The following CNTNAP2 variants were observed in gnomAD, a reference collection of about 807,000 sequenced individuals.
The protein encoded by CNTNAP2 is contactin associated protein 2.
CNTNAP2 carries 98 observed loss-of-function variants against 155.2 expected under a neutral mutation model. The ratio of observed to expected loss-of-function variants is 0.63; its 90% confidence interval spans 0.54 to 0.75. The LOEUF (loss-of-function observed/expected upper bound fraction) is 0.75, where lower values mean the gene tolerates loss of function less well. Among genes scored for constraint, CNTNAP2 ranks in the 30% least tolerant of loss-of-function variants. CNTNAP2 has a pLI of 0.00. For missense variants in CNTNAP2, 1,727 were observed against 1,688.1 expected, an observed-to-expected ratio of 1.02 and a Z score of -0.40; for synonymous variants, 651 against 631.2, an observed-to-expected ratio of 1.03 and a Z score of -0.47.
chr7:146,848,969 C>T (rs551962424), intron 3 of CNTNAP2, among the ~76,000 whole-genome samples: 18 of 152,000 alleles, frequency 1.2e-4, no homozygotes, highest in South Asian at 4.1e-4. Flanking sequence ...GACGTAGAGA[C>T]GGGGTTTCGC....
intron 20 of CNTNAP2, among the ~76,000 whole-genome samples, chr7:148,245,984 A>G (rs187561330): frequency 2.6e-5 from 4 of 152,336 alleles, no homozygotes; most frequent in Admixed American, 6.5e-5. Flanking sequence ...AAAAAGCTTC[A>G]GTGTTTCCAG....
intron 1 of CNTNAP2, among the ~76,000 whole-genome samples, chr7:146,643,878 T>A (rs1585021642): frequency 6.6e-6 from 1 of 151,480 alleles, no homozygotes; most frequent in Non-Finnish European, 1.5e-5. Context: ...GTCCTTCACG[T>A]CTCTTGTAAG....
intron 10 of CNTNAP2, among the ~76,000 whole-genome samples, chr7:147,448,862 A>T (rs1458606394): frequency 6.6e-6 from 1 of 152,134 alleles, no homozygotes; most frequent in Non-Finnish European, 1.5e-5. Flanking sequence ...ATTTTATTGT[A>T]ATCTATTGTT....
chr7:147,203,379 C>T (rs1386319057), intron 8 of CNTNAP2, among the ~76,000 whole-genome samples: 1 of 152,048 alleles, frequency 6.6e-6, no homozygotes, highest in Admixed American at 6.6e-5. Flanking sequence ...TTACAGGTAC[C>T]CACCACCATG....
chr7:146,654,799 A>C (rs1028661017), intron 1 of CNTNAP2, among the ~76,000 whole-genome samples: 1 of 152,144 alleles, frequency 6.6e-6, no homozygotes, highest in African/African-American at 2.4e-5. Flanking sequence ...TTCAATTACA[A>C]GTCATTTTTC....
chr7:146,289,933 C>T (rs1166475228), intron 1 of CNTNAP2, among the ~76,000 whole-genome samples: 1 of 152,054 alleles, frequency 6.6e-6, no homozygotes, highest in Admixed American at 6.6e-5. Flanking sequence ...GACCACTTTT[C>T]TCTTATGCTT....
At chr7:146,509,476 C>T (rs188999949) in intron 1 of CNTNAP2, among the ~76,000 whole-genome samples, 2 of 152,288 alleles carry the variant, frequency 1.3e-5, no homozygotes, top group East Asian at 1.9e-4. Context: ...ATTCCCACAA[C>T]TCCGTTGGGG....
intron 9 of CNTNAP2, among the ~76,000 whole-genome samples, chr7:147,375,294 T>A (rs576901416): frequency 1.3e-5 from 2 of 152,020 alleles, no homozygotes. Flanking sequence ...ATTTAAGAGA[T>A]GATGACAAAC....
chr7:146,971,488 T>A (rs1168373033), intron 3 of CNTNAP2, among the ~76,000 whole-genome samples: 3 of 152,192 alleles, frequency 2.0e-5, no homozygotes, highest in African/African-American at 7.2e-5. Context: ...TTTGGGCTCG[T>A]ATAGCAAAAT....
rs563250112 is a variant in CNTNAP2 at position 148,286,445 on chromosome 7, G to A, written c.3475+19319G>A. On this transcript the variant is annotated intron_variant, in intron 21 of 23. Coordinates refer to ENST00000361727, the MANE Select transcript of CNTNAP2 (RefSeq NM_014141.6). ...TCTGGTTAATATGGGAAGTGCATTA[G>A]GAAGTAGAAAGGAAAGAAAAGTCAA... Among the ~76,000 whole-genome samples the A allele has an allele frequency of 4.2e-4, 64 of 152,222 alleles. 3 individuals carry two copies. In the South Asian group the frequency reaches 0.013, roughly 31 times the overall value.
chr7:146,902,703 GGT>G (rs1796027527), intron 3 of CNTNAP2, among the ~76,000 whole-genome samples: 1 of 152,178 alleles, frequency 6.6e-6, no homozygotes, highest in Admixed American at 6.5e-5. Context: ...AGTCTCTTCT[GGT>G]TAACTGGAGC....
At chr7:146,458,847 G>T (rs764912710) in intron 1 of CNTNAP2, among the ~76,000 whole-genome samples, 4 of 152,110 alleles carry the variant, frequency 2.6e-5, no homozygotes, top group African/African-American at 4.8e-5. Flanking sequence ...CCTTCACAAT[G>T]CTCACTGCAG....
rs550648355 is a variant in CNTNAP2 at position 147,014,162 on chromosome 7, C to T, written c.403-29745C>T. Reference sequence around the variant, plus strand: ...TAAAGCAATCTGTATGCTGTCTATGCTCATTTTAATGTTAATTATTCTGTG... The same window carrying T: ...TAAAGCAATCTGTATGCTGTCTATGTTCATTTTAATGTTAATTATTCTGTG... On this transcript the variant is annotated intron_variant, in intron 3 of 23. Transcript: ENST00000361727. Among the ~76,000 whole-genome samples the T allele has an allele frequency of 6.6e-5, 10 of 152,214 alleles. No homozygotes were observed. In the South Asian group the frequency reaches 2.1e-3, roughly 32 times the overall value.
At chr7:148,220,232 A>T (rs1209878892) in intron 19 of CNTNAP2, among the ~76,000 whole-genome samples, 2 of 152,152 alleles carry the variant, frequency 1.3e-5, no homozygotes, top group Non-Finnish European at 2.9e-5. Context: ...CCTCCCGAGT[A>T]GCTGGGACTA....
intron 1 of CNTNAP2, among the ~76,000 whole-genome samples, chr7:146,426,492 C>CAT (rs1327549816): frequency 6.7e-6 from 1 of 150,086 alleles, no homozygotes; most frequent in Non-Finnish European, 1.5e-5. Flanking sequence ...CACATATACA[C>CAT]ATATATATCT....
At chr7:146,379,504 T>C (rs1246097576) in intron 1 of CNTNAP2, among the ~76,000 whole-genome samples, 2 of 152,206 alleles carry the variant, frequency 1.3e-5, no homozygotes, top group Non-Finnish European at 2.9e-5. Context: ...TCTTAGGTAT[T>C]TGACCAATGG....
At chr7:148,232,410 A>C (rs1795980334) in intron 20 of CNTNAP2, among the ~76,000 whole-genome samples, 1 of 152,254 alleles carries the variant, frequency 6.6e-6, no homozygotes. Context: ...GTGTGGAAAG[A>C]GATATAATAA....
intron 13 of CNTNAP2, among the ~76,000 whole-genome samples, chr7:147,849,260 C>T (rs1477479948): frequency 6.6e-6 from 1 of 152,140 alleles, no homozygotes; most frequent in Non-Finnish European, 1.5e-5. Flanking sequence ...AGTAAATGAC[C>T]ATGTGTTTCA....
At chr7:148,245,017 C>G (rs917740737) in intron 20 of CNTNAP2, among the ~76,000 whole-genome samples, 1 of 151,926 alleles carries the variant, frequency 6.6e-6, no homozygotes, top group African/African-American at 2.4e-5. Flanking sequence ...TATTTTTTTA[C>G]TAATTGTACC....
Sources: allele counts gnomAD v4.1 joint callset (sites outside exome capture counted in the v4.1 genomes callset), GRCh38; gene constraint gnomAD v4.1.1; transcripts MANE v1.5; gene names NCBI Gene and HGNC (gene_info 2026-07-23, HGNC 2026-07-21).